The following DGKB variants were observed in gnomAD, a reference collection of about 807,000 sequenced individuals.
The protein encoded by DGKB is 90 kDa diacylglycerol kinase.
A neutral mutation model predicts 114.3 loss-of-function variants in DGKB; 67 were observed. The observed-to-expected ratio is 0.59, with a 90% CI of 0.48 to 0.72. The LOEUF (loss-of-function observed/expected upper bound fraction) is 0.72, where lower values mean the gene tolerates loss of function less well. Among genes scored for constraint, DGKB ranks in the 30% least tolerant of loss-of-function variants. The pLI, the probability that DGKB is intolerant of heterozygous loss-of-function variation, is 0.00. For missense variants in DGKB, 907 were observed against 975.2 expected, an observed-to-expected ratio of 0.93 and a Z score of 0.93; for synonymous variants, 398 against 323.1, an observed-to-expected ratio of 1.23 and a Z score of -2.49.
intron 17 of DGKB, among the ~76,000 whole-genome samples, chr7:14,591,210 G>T (rs1359349720): frequency 6.6e-6 from 1 of 152,074 alleles, no homozygotes; most frequent in Admixed American, 6.6e-5. Flanking sequence ...TGAGAAAATG[G>T]GGAGTGTCAG....
intron 20 of DGKB, among the ~76,000 whole-genome samples, chr7:14,566,678 G>A (rs910640047): frequency 7.9e-5 from 12 of 152,210 alleles, no homozygotes; most frequent in African/African-American, 2.9e-4. Context: ...GGTGGCAGCT[G>A]TGTTAACAGC....
chr7:14,318,604 T>C (rs1807101549), intron 23 of DGKB, among the ~76,000 whole-genome samples: 1 of 152,076 alleles, frequency 6.6e-6, no homozygotes, highest in Non-Finnish European at 1.5e-5. Flanking sequence ...CTCACACCAG[T>C]TAGAATGGCA....
At chr7:14,809,033 G>A (rs1400248542) in intron 2 of DGKB, among the ~76,000 whole-genome samples, 1 of 152,076 alleles carries the variant, frequency 6.6e-6, no homozygotes, top group East Asian at 1.9e-4. Context: ...AGGTTAAAGA[G>A]AACTCTAGAA....
intron 23 of DGKB, among the ~76,000 whole-genome samples, chr7:14,306,149 T>C (rs945435731): frequency 6.6e-6 from 1 of 152,188 alleles, no homozygotes; most frequent in African/African-American, 2.4e-5. Context: ...ATCTACTTAT[T>C]TGGACTAATT....
At chr7:14,359,772 C>T (rs1057215579) in intron 21 of DGKB, among the ~76,000 whole-genome samples, 12 of 152,122 alleles carry the variant, frequency 7.9e-5, no homozygotes, top group African/African-American at 2.9e-4. Flanking sequence ...GAGATACCAT[C>T]TCACACTGTT....
intron 2 of DGKB, among the ~76,000 whole-genome samples, chr7:14,815,805 T>C (rs539761548): frequency 6.6e-6 from 1 of 152,298 alleles, no homozygotes; most frequent in Admixed American, 6.5e-5. Context: ...GGTCACAGAC[T>C]GTGTACAATC....
At chr7:14,753,394 G>T (rs1204045733) in intron 4 of DGKB, among the ~76,000 whole-genome samples, 5 of 152,140 alleles carry the variant, frequency 3.3e-5, no homozygotes, top group Non-Finnish European at 7.4e-5. Flanking sequence ...TTACAAAACA[G>T]ATTTTCAGGG....
intron 13 of DGKB, among the ~76,000 whole-genome samples, chr7:14,664,785 T>G (rs1197773295): frequency 6.6e-6 from 1 of 151,982 alleles, no homozygotes; most frequent in East Asian, 1.9e-4. Context: ...TTAACCTCTT[T>G]GGATGCTTCA....
intron 4 of DGKB, among the ~76,000 whole-genome samples, chr7:14,736,509 G>C (rs1831742630): frequency 6.6e-6 from 1 of 152,056 alleles, no homozygotes; most frequent in South Asian, 2.1e-4. Context: ...CTCTAAACTG[G>C]GAATAATAAT....
At chr7:14,514,927 C>A (rs1427472332) in intron 20 of DGKB, among the ~76,000 whole-genome samples, 3 of 152,040 alleles carry the variant, frequency 2.0e-5, no homozygotes, top group Non-Finnish European at 2.9e-5. Context: ...GTCCGCAGTC[C>A]TAGTTACTCA....
chr7:14,824,441 A>G (rs1295969471), intron 2 of DGKB, among the ~76,000 whole-genome samples: 1 of 152,168 alleles, frequency 6.6e-6, no homozygotes, highest in Non-Finnish European at 1.5e-5. Context: ...AATAAGTGAG[A>G]AGACAGACTA....
intron 1 of DGKB, among the ~76,000 whole-genome samples, chr7:14,845,082 C>A (rs1281889898): frequency 1.5e-5 from 2 of 130,070 alleles, no homozygotes; most frequent in Non-Finnish European, 3.2e-5. Flanking sequence ...ACTCCATCCT[C>A]AGTGACAGAG....
chr7:14,322,985 T>G (rs187199538), intron 23 of DGKB, among the ~76,000 whole-genome samples: 1 of 152,286 alleles, frequency 6.6e-6, no homozygotes, highest in African/African-American at 2.4e-5. Flanking sequence ...TACAATCACT[T>G]TTAGTAGCGT....
At chr7:14,444,229 A>G (rs1324273958) in intron 21 of DGKB, among the ~76,000 whole-genome samples, 5 of 151,854 alleles carry the variant, frequency 3.3e-5, no homozygotes, top group African/African-American at 9.7e-5. Context: ...TTCCTTCCCT[A>G]AAAATTCTAA....
At chr7:14,574,152 GTT>G in intron 20 of DGKB, 58 bp downstream of exon 20, 1 of 1,334,242 alleles carries the variant, frequency 7.5e-7, no homozygotes, top group Non-Finnish European at 1.0e-6. Flanking sequence ...TAGTTTAAAA[GTT>G]TTCTCACTGT....
chr7:14,952,139 T>A (rs1381692614), intron 1 of DGKB, among the ~76,000 whole-genome samples: 1 of 152,034 alleles, frequency 6.6e-6, no homozygotes, highest in Non-Finnish European at 1.5e-5. Flanking sequence ...CAAAGAGGAA[T>A]GCTATGTGAA....
chr7:14,547,277 A>G (rs1794433577), intron 20 of DGKB, among the ~76,000 whole-genome samples: 1 of 152,220 alleles, frequency 6.6e-6, no homozygotes, highest in Non-Finnish European at 1.5e-5. Context: ...TAATCTAATA[A>G]TAAGAAATCA....
chr7:14,834,608 G>C (rs1370202359), intron 2 of DGKB, among the ~76,000 whole-genome samples: 1 of 151,988 alleles, frequency 6.6e-6, no homozygotes, highest in Non-Finnish European at 1.5e-5. Context: ...CATCTGACTG[G>C]GACTTCACTG....
intron 21 of DGKB, among the ~76,000 whole-genome samples, chr7:14,449,243 G>A (rs931689258): frequency 4.6e-5 from 7 of 152,008 alleles, no homozygotes; most frequent in African/African-American, 1.7e-4. Context: ...TTGTTGATGA[G>A]CAATAGCCGA....
Sources: gnomAD v4.1 joint callset for allele counts (sites outside exome capture counted in the v4.1 genomes callset) on GRCh38, gnomAD v4.1.1 for gene constraint, MANE v1.5 for transcripts, NCBI Gene and HGNC (gene_info 2026-07-23, HGNC 2026-07-21) for gene names.